Variants in MIOS observed in about 807,000 individuals in gnomAD.
The protein encoded by MIOS is meiosis regulator for oocyte development, also known as GATOR2 complex protein MIOS.
Under a neutral mutation model 96.9 loss-of-function variants are expected in MIOS, and 52 were observed. The observed-to-expected ratio is 0.54, with a 90% CI of 0.43 to 0.68. The LOEUF (loss-of-function observed/expected upper bound fraction) is 0.68. MIOS is among the 30% of genes least tolerant of loss of function. The probability of loss-of-function intolerance (pLI) is 0.00; values close to 1 mark genes in which losing one functional copy is unlikely to be tolerated. For missense variants in MIOS, 1,005 were observed against 1,052.8 expected (o/e 0.95, Z 0.63); for synonymous variants, 397 against 359.5 (o/e 1.10, Z -1.18).
Position 7,595,014 on chromosome 7 carries a change from T to C in MIOS, c.2078T>C (p.Val693Ala). 2 of 1,612,200 alleles carry C rather than the reference T, an allele frequency of 1.2e-6. No individual in the cohort carries two copies. Among genetic ancestry groups the C allele is most frequent in the East Asian group, 4.5e-5 (2 of 44,820 alleles). Residue 693 changes from valine (V) to alanine (A), a missense_variant, in exon 10 of 13, where the codon GTT (valine) becomes GCT (alanine). Around this residue, in one of 3 missense-constraint regions of MIOS, gnomAD observed 865 missense variants for 887.9 expected, o/e 0.97. Coordinates refer to ENST00000340080, the MANE Select transcript of MIOS (RefSeq NM_019005.4). ...SPLDVLKDER[V>A]QYWIENYRNL... ...TTAGATGTTCTTAAAGATGAAAGGG[T>C]TCAGTACTGGATTGAGAATTATAGA...
intron 5 of MIOS, among the ~76,000 whole-genome samples, chr7:7,582,305 T>C (rs541465323): frequency 7.2e-5 from 11 of 152,304 alleles, no homozygotes; most frequent in African/African-American, 2.6e-4. Flanking sequence ...ATAATGACAA[T>C]TTTGGTGGTA....
At chr7:7,596,152 GT>G (rs1236204959) in intron 10 of MIOS, 104 bp from the exon 11 acceptor site, 2 of 994,102 alleles carry the variant, frequency 2.0e-6, no homozygotes, top group Non-Finnish European at 2.9e-6. Flanking sequence ...ATAAAATAAA[GT>G]TTTTTAAAAG....
chr7:7,604,410 C>G (rs1435717417), intron 11 of MIOS, among the ~76,000 whole-genome samples: 1 of 152,086 alleles, frequency 6.6e-6, no homozygotes, highest in Non-Finnish European at 1.5e-5. Flanking sequence ...TCTGTTGAAA[C>G]AGTTCTAACA....
intron 1 of MIOS, 130 bp from the exon 2 acceptor site, chr7:7,567,477 G>A (rs1257904598): frequency 7.1e-6 from 1 of 140,646 alleles, no homozygotes; most frequent in Non-Finnish European, 1.5e-5. Flanking sequence ...TAAACGGCCT[G>A]TCTCCCGGTG....
At position 7,574,124 on chromosome 7, in the gene MIOS, G is replaced by A. The variant is rs771655781; in HGVS notation, c.1321G>A (p.Asp441Asn). The A allele has an allele frequency of 1.1e-4, 182 of 1,610,352 alleles. No individual in the cohort carries two copies. The highest frequency in any genetic ancestry group is 1.5e-4 in the Non-Finnish European group (177 of 1,177,832). Residue 441 changes from aspartate (D) to asparagine (N), a missense_variant, in exon 5 of 13, where the codon GAT (aspartate) becomes AAT (asparagine). Coordinates refer to ENST00000340080, the MANE Select transcript of MIOS (RefSeq NM_019005.4). ...TATGAAGCAATACACAGAAGATATG[G>A]ATCAGAAATCTCCAGGCAACAAAGG... Reference protein sequence around the residue: ...HFMKQYTEDMDQKSPGNKGSL... With the variant: ...HFMKQYTEDMNQKSPGNKGSL...
intron 11 of MIOS, among the ~76,000 whole-genome samples, chr7:7,602,215 T>C (rs912873782): frequency 1.3e-5 from 2 of 152,182 alleles, no homozygotes; most frequent in African/African-American, 4.8e-5. Flanking sequence ...TGTTGGAAGT[T>C]CTGGCCAGGG....
chr7:7,578,677 C>G (rs1036298385), intron 5 of MIOS, among the ~76,000 whole-genome samples: 1 of 151,920 alleles, frequency 6.6e-6, no homozygotes, highest in African/African-American at 2.4e-5. Flanking sequence ...AGCATAGTAT[C>G]TGATTGCTGA....
intron 11 of MIOS, among the ~76,000 whole-genome samples, chr7:7,604,935 A>G (rs1178352560): frequency 6.6e-6 from 1 of 152,082 alleles, no homozygotes; most frequent in Non-Finnish European, 1.5e-5. Flanking sequence ...TTGCCCTCTC[A>G]TTATTAATTG....
intron 11 of MIOS, chr7:7,605,208 C>T (rs189084155): frequency 6.6e-6 from 1 of 151,872 alleles, no homozygotes; most frequent in Admixed American, 6.6e-5. Flanking sequence ...TTAAGTTACA[C>T]AAGTCTCATG....
At position 7,600,980 on chromosome 7, in the gene MIOS, C is replaced by T. The variant is rs574694733; in HGVS notation, c.2401+4519C>T. 3.2e-3 allele frequency among the ~76,000 whole-genome samples: 486 copies of T among 152,156 alleles called. 1 individual carries two copies. Among genetic ancestry groups the T allele is most frequent in the Admixed American group, 6.1e-3 (94 of 15,286 alleles). On this transcript the variant is annotated intron_variant, in intron 11 of 12. Coordinates refer to ENST00000340080, the MANE Select transcript of MIOS (RefSeq NM_019005.4). ...TCCTGAATGACTACTGGGTACATAA[C>T]GAAATGAAGGCAGAAATAAAGATGT...
rs749959441 is a variant in MIOS at position 7,607,055 on chromosome 7, C to T, written c.2591C>T (p.Thr864Ile). The change falls in exon 13 of 13, where the codon ACA becomes ATA. Residue 864 changes from threonine to isoleucine, a missense_variant. Thr to Ile is a moderately conservative substitution (Grantham distance 89, BLOSUM62 -1). Transcript: ENST00000340080. ...CTCKCMQLDT[T>I]GNLVPAETVQ... ...TGTAAATGTATGCAGTTGGATACAA[C>T]AGGGAATCTGGTACCTGCAGAGACT... The T allele has an allele frequency of 5.0e-6, 8 of 1,612,874 alleles. No homozygotes were observed. The highest frequency in any genetic ancestry group is 6.8e-6 in the Non-Finnish European group (8 of 1,179,416).
chr7:7,595,765 G>C (rs1784186254), intron 10 of MIOS, among the ~76,000 whole-genome samples: 1 of 152,190 alleles, frequency 6.6e-6, no homozygotes, highest in Non-Finnish European at 1.5e-5. Flanking sequence ...AAGTGATTAA[G>C]AGCCTAGCAA....
At chr7:7,606,431 C>T (rs1784533312) in intron 12 of MIOS, among the ~76,000 whole-genome samples, 1 of 152,116 alleles carries the variant, frequency 6.6e-6, no homozygotes, top group Non-Finnish European at 1.5e-5. Context: ...CATATCATAC[C>T]TCTGCCTCAG....
intron 2 of MIOS, 145 bp downstream of exon 2, chr7:7,567,833 C>A (rs1276141040): frequency 6.6e-6 from 1 of 152,154 alleles, no homozygotes; most frequent in Non-Finnish European, 1.5e-5. Context: ...TCGGATTTCC[C>A]AGAGTTGGTG....
intron 11 of MIOS, among the ~76,000 whole-genome samples, chr7:7,602,054 G>T (rs1005675056): frequency 6.6e-6 from 1 of 152,146 alleles, no homozygotes; most frequent in Non-Finnish European, 1.5e-5. Flanking sequence ...AATAAATTAG[G>T]TATTGATGGG....
At chr7:7,583,474 C>T in intron 6 of MIOS, 102 bp downstream of exon 6, 1 of 1,254,292 alleles carries the variant, frequency 8.0e-7, no homozygotes, top group Non-Finnish European at 1.1e-6. Flanking sequence ...TATCTAATCA[C>T]TTAAAATTTT....
At chr7:7,591,952 G>A (rs1784060224) in intron 9 of MIOS, among the ~76,000 whole-genome samples, 1 of 148,836 alleles carries the variant, frequency 6.7e-6, no homozygotes. Context: ...TTCCTTCCAT[G>A]TTTTTTTTCC....
At chr7:7,567,317 C>A (rs988717958) in intron 1 of MIOS, 2 of 152,158 alleles carry the variant, frequency 1.3e-5, no homozygotes, top group African/African-American at 4.8e-5. Context: ...ACAGCCTTCG[C>A]CGCGGCGGGC....
intron 11 of MIOS, among the ~76,000 whole-genome samples, chr7:7,600,557 A>G (rs1232666488): frequency 6.6e-6 from 1 of 152,210 alleles, no homozygotes; most frequent in Non-Finnish European, 1.5e-5. Context: ...GAGCACCCAG[A>G]TTCATAAAGC....
Sources: allele counts gnomAD v4.1 joint callset (sites outside exome capture counted in the v4.1 genomes callset), GRCh38; gene constraint gnomAD v4.1.1; regional missense constraint gnomAD v4.1.1; transcripts MANE v1.5; gene names NCBI Gene and HGNC (gene_info 2026-07-23, HGNC 2026-07-21).